PLPP3: variants seen among roughly 807,000 people sequenced by gnomAD.
PLPP3 encodes phospholipid phosphatase 3, also known as PAP2 beta.
Under a neutral mutation model 29.6 loss-of-function variants are expected in PLPP3, and 6 were observed. That is an observed-to-expected ratio of 0.20 (90% confidence interval 0.11 to 0.40). The LOEUF (loss-of-function observed/expected upper bound fraction) is 0.40. Among genes scored for constraint, PLPP3 ranks in the 10% least tolerant of loss-of-function variants. The probability of loss-of-function intolerance (pLI) is 1.00; values close to 1 mark genes in which losing one functional copy is unlikely to be tolerated. For missense variants in PLPP3, 308 were observed against 407.7 expected (o/e 0.76, Z 2.11); for synonymous variants, 152 against 159.7 (o/e 0.95, Z 0.36).
intron 4 of PLPP3, among the ~76,000 whole-genome samples, chr1:56,515,363 C>T (rs1476241774): frequency 6.6e-6 from 1 of 152,150 alleles, no homozygotes; most frequent in Non-Finnish European, 1.5e-5. Flanking sequence ...TCCCCCTGCC[C>T]CTGCATGCAG....
chr1:56,538,959 C>CAAAAAAAAAACAAA (rs776843470), intron 1 of PLPP3: 1 of 96,526 alleles, frequency 1.0e-5, no homozygotes, highest in South Asian at 3.4e-4. Context: ...TTCTGGGCTG[C>CAAAAAAAAAACAAA]AAAAAAAAAA....
intron 1 of PLPP3, among the ~76,000 whole-genome samples, chr1:56,546,280 C>T (rs1646005720): frequency 6.6e-6 from 1 of 152,180 alleles, no homozygotes; most frequent in Non-Finnish European, 1.5e-5. Flanking sequence ...TCTCATTGAG[C>T]TTGCACTGTC....
At chr1:56,530,994 T>C (rs1234259841) in intron 2 of PLPP3, among the ~76,000 whole-genome samples, 1 of 152,188 alleles carries the variant, frequency 6.6e-6, no homozygotes, top group African/African-American at 2.4e-5. Flanking sequence ...GGGTTAGAGT[T>C]TGGCTCTTTG....
chr1:56,555,990 T>C (rs1329457167), intron 1 of PLPP3, among the ~76,000 whole-genome samples: 1 of 152,216 alleles, frequency 6.6e-6, no homozygotes, highest in African/African-American at 2.4e-5. Context: ...GTTCACAGTA[T>C]TTTCTATTCA....
At chr1:56,500,217 A>T (rs1645658013) in intron 5 of PLPP3, among the ~76,000 whole-genome samples, 1 of 152,204 alleles carries the variant, frequency 6.6e-6, no homozygotes. Flanking sequence ...AATATATATA[A>T]GACAGTCTTT....
intron 1 of PLPP3, 51 bp from the exon 2 acceptor site, chr1:56,537,163 A>C (rs373930737): frequency 1.9e-6 from 3 of 1,574,148 alleles, no homozygotes; most frequent in South Asian, 1.1e-5. Context: ...GAAAAAAAGG[A>C]AGGGGAAAAC....
chr1:56,561,620 A>T (rs1646128742), intron 1 of PLPP3, among the ~76,000 whole-genome samples: 1 of 152,062 alleles, frequency 6.6e-6, no homozygotes, highest in Non-Finnish European at 1.5e-5. Flanking sequence ...AAATATCTTT[A>T]TATACTTTTT....
chr1:56,551,757 T>G (rs1646041072), intron 1 of PLPP3, among the ~76,000 whole-genome samples: 1 of 152,264 alleles, frequency 6.6e-6, no homozygotes, highest in African/African-American at 2.4e-5. Flanking sequence ...AATGGTTTGA[T>G]GCCTTTCAGT....
chr1:56,535,460 T>C (rs1248762906), intron 2 of PLPP3, among the ~76,000 whole-genome samples: 1 of 152,078 alleles, frequency 6.6e-6, no homozygotes, highest in African/African-American at 2.4e-5. Flanking sequence ...ATTGTATGGG[T>C]TGGGGAAGCA....
intron 1 of PLPP3, among the ~76,000 whole-genome samples, chr1:56,551,785 T>C (rs1646041275): frequency 1.3e-5 from 2 of 152,182 alleles, no homozygotes; most frequent in Admixed American, 1.3e-4. Context: ...CTATACAAAA[T>C]ACTGAAAAGA....
intron 1 of PLPP3, among the ~76,000 whole-genome samples, chr1:56,576,717 C>A (rs1206221359): frequency 6.6e-6 from 1 of 152,076 alleles, no homozygotes; most frequent in Non-Finnish European, 1.5e-5. Flanking sequence ...ATAAGACCAA[C>A]AGTGAATAAA....
intron 1 of PLPP3, among the ~76,000 whole-genome samples, chr1:56,547,317 GAAACA>G (rs918136894): frequency 7.9e-5 from 12 of 152,118 alleles, no homozygotes; most frequent in African/African-American, 2.7e-4. Context: ...AAATGCATAG[GAAACA>G]AACCAAAATC....
intron 1 of PLPP3, among the ~76,000 whole-genome samples, chr1:56,558,447 A>G (rs1467149926): frequency 6.6e-6 from 1 of 152,240 alleles, no homozygotes. Context: ...CAAAGATCAG[A>G]TAAACTATGT....
At chr1:56,548,724 A>C (rs1646020724) in intron 1 of PLPP3, among the ~76,000 whole-genome samples, 1 of 152,204 alleles carries the variant, frequency 6.6e-6, no homozygotes, top group African/African-American at 2.4e-5. Flanking sequence ...CCACAGGGGC[A>C]TTACTAAAGT....
intron 1 of PLPP3, among the ~76,000 whole-genome samples, chr1:56,545,760 G>A (rs1463420215): frequency 6.6e-6 from 1 of 152,204 alleles, no homozygotes; most frequent in Non-Finnish European, 1.5e-5. Flanking sequence ...ATGCTACCCA[G>A]GTGTACACAA....
chr1:56,547,378 C>T (rs774323067), intron 1 of PLPP3, among the ~76,000 whole-genome samples: 5 of 152,094 alleles, frequency 3.3e-5, no homozygotes, highest in Non-Finnish European at 7.4e-5. Context: ...ACTTGTGGAT[C>T]GTTTTCTCCC....
intron 2 of PLPP3, among the ~76,000 whole-genome samples, chr1:56,529,488 C>G (rs1282960590): frequency 2.0e-5 from 3 of 152,068 alleles, no homozygotes; most frequent in Non-Finnish European, 4.4e-5. Context: ...TTCTTTTGCC[C>G]AGAAAAGATT....
chr1:56,500,205 T>G (rs549236381), intron 5 of PLPP3, among the ~76,000 whole-genome samples: 2 of 152,198 alleles, frequency 1.3e-5, no homozygotes, highest in African/African-American at 4.8e-5. Flanking sequence ...AATATGAAGA[T>G]GAATATATAT....
intron 1 of PLPP3, among the ~76,000 whole-genome samples, chr1:56,544,876 A>G (rs1321861151): frequency 6.6e-6 from 1 of 152,214 alleles, no homozygotes; most frequent in Non-Finnish European, 1.5e-5. Flanking sequence ...TCTGCCTCAT[A>G]AGTCTCCCTT....
Sources: gnomAD v4.1 joint callset for allele counts (sites outside exome capture counted in the v4.1 genomes callset) on GRCh38, gnomAD v4.1.1 for gene constraint, MANE v1.5 for transcripts, NCBI Gene and HGNC (gene_info 2026-07-23, HGNC 2026-07-21) for gene names.